Variants in PUS10 observed in about 807,000 individuals in gnomAD.
PUS10 encodes the protein tRNA pseudouridine synthase Pus10.
Under a neutral mutation model 75.0 loss-of-function variants are expected in PUS10, and 59 were observed. That is an observed-to-expected ratio of 0.79 (90% CI 0.64 to 0.98). The LOEUF (loss-of-function observed/expected upper bound fraction) is 0.98, where lower values mean the gene tolerates loss of function less well. Ranked by LOEUF, PUS10 falls within the 50% of genes least tolerant of loss-of-function variation. The pLI is 0.00. For missense variants in PUS10, 650 were observed against 614.4 expected, an observed-to-expected ratio of 1.06 and a Z score of -0.61; for synonymous variants, 219 against 211.6, an observed-to-expected ratio of 1.03 and a Z score of -0.30.
At chr2:60,950,576 CCTGG>C in intron 15 of PUS10, among the ~76,000 whole-genome samples, 3 of 152,220 alleles carry the variant, frequency 2.0e-5, no homozygotes, top group Admixed American at 2.0e-4. Context: ...CGCCACCACA[CCTGG>C]CTAATTTTTT....
chr2:61,003,040 G>A (rs1189374340), intron 4 of PUS10, among the ~76,000 whole-genome samples: 1 of 152,144 alleles, frequency 6.6e-6, no homozygotes, highest in African/African-American at 2.4e-5. Context: ...ACATTTAGGA[G>A]ATATACTCCA....
chr2:60,962,942 A>G, intron 8 of PUS10, 52 bp from the exon 9 acceptor site: 1 of 1,499,472 alleles, frequency 6.7e-7, no homozygotes, highest in African/African-American at 1.5e-5. Flanking sequence ...AGACAAGAAA[A>G]CATCAGACGT....
intron 8 of PUS10, 113 bp from the exon 9 acceptor site, chr2:60,963,003 A>T: frequency 7.1e-7 from 1 of 1,406,592 alleles, no homozygotes; most frequent in Non-Finnish European, 9.2e-7. Context: ...ATATCATTTC[A>T]TATACTTAAC....
At chr2:61,006,416 G>A (rs1351136847) in intron 4 of PUS10, 141 bp downstream of exon 4, 1 of 625,224 alleles carries the variant, frequency 1.6e-6, no homozygotes, top group Non-Finnish European at 2.8e-6. Context: ...TTATTAAGCA[G>A]CTATAAATTG....
intron 11 of PUS10, among the ~76,000 whole-genome samples, chr2:60,960,191 A>C (rs539769289): frequency 6.7e-6 from 1 of 150,272 alleles, no homozygotes; most frequent in African/African-American, 2.4e-5. Context: ...TAAAATATGA[A>C]GATTAGGTCA....
intron 4 of PUS10, among the ~76,000 whole-genome samples, chr2:60,976,335 T>G (rs1677030802): frequency 6.6e-6 from 1 of 152,228 alleles, no homozygotes; most frequent in Non-Finnish European, 1.5e-5. Flanking sequence ...TATAGCTAGT[T>G]CTGAAACCTC....
In PUS10 at chr2:60,962,821, C is replaced by A; in HGVS notation, c.788+5G>T. 6.3e-7 allele frequency: 1 copy of A among 1,582,638 alleles called. No homozygotes were observed. Among genetic ancestry groups the A allele is most frequent in the Non-Finnish European group, 8.6e-7 (1 of 1,167,308 alleles). On this transcript the variant is annotated splice_donor_5th_base_variant and intron_variant, in intron 9 of 17. Transcript: ENST00000316752. ...ATGCTTCTTTGTTTCTAAACTTCTACTTACTTAAGGAAATCCTCTTCCTTT... is the reference window on the plus strand; with the variant it reads ...ATGCTTCTTTGTTTCTAAACTTCTAATTACTTAAGGAAATCCTCTTCCTTT...
intron 12 of PUS10, 34 bp downstream of exon 12, chr2:60,954,980 AAGTT>A (rs1375793047): frequency 2.9e-6 from 4 of 1,367,252 alleles, no homozygotes; most frequent in Admixed American, 3.9e-5. Context: ...GATAATCAGA[AAGTT>A]AGTTCTAATC....
At chr2:61,016,122 G>A (rs1679960256) in intron 1 of PUS10, among the ~76,000 whole-genome samples, 1 of 152,114 alleles carries the variant, frequency 6.6e-6, no homozygotes, top group Non-Finnish European at 1.5e-5. Context: ...AAGTTCACAA[G>A]AACAAAGGTA....
intron 4 of PUS10, among the ~76,000 whole-genome samples, chr2:60,975,269 C>A (rs1247735777): frequency 6.6e-6 from 1 of 152,090 alleles, no homozygotes; most frequent in Non-Finnish European, 1.5e-5. Context: ...GCCTCTGCCT[C>A]CCGAGTAGCT....
At chr2:60,987,315 C>G (rs1677782550) in intron 4 of PUS10, among the ~76,000 whole-genome samples, 1 of 152,090 alleles carries the variant, frequency 6.6e-6, no homozygotes, top group Non-Finnish European at 1.5e-5. Context: ...GTCCCTGGAC[C>G]TTAATTCCTG....
chr2:60,951,719 T>A (rs982476893), intron 15 of PUS10, among the ~76,000 whole-genome samples: 3 of 152,198 alleles, frequency 2.0e-5, no homozygotes, highest in Non-Finnish European at 4.4e-5. Context: ...TGTGGCTAGA[T>A]TCCTAACAGG....
chr2:60,989,867 C>T (rs1558954196), intron 4 of PUS10, among the ~76,000 whole-genome samples: 1 of 152,084 alleles, frequency 6.6e-6, no homozygotes, highest in South Asian at 2.1e-4. Flanking sequence ...TAAAGTGATC[C>T]ATCCGCCTCG....
chr2:60,988,600 T>C (rs963491391), intron 4 of PUS10, among the ~76,000 whole-genome samples: 2 of 152,064 alleles, frequency 1.3e-5, no homozygotes, highest in Non-Finnish European at 2.9e-5. Context: ...CTGGCCTTCT[T>C]GGTAAAAAGG....
At position 61,017,797 on chromosome 2, in the gene PUS10, A is replaced by G. The variant is rs1445680431; in HGVS notation, c.-16+211T>C. 7 of 1,550,370 alleles carry G rather than the reference A, an allele frequency of 4.5e-6. No individual in the cohort carries two copies. In the African/African-American group the frequency reaches 5.5e-5, roughly 12 times the overall value. On this transcript the variant is annotated intron_variant, in intron 1 of 17. Coordinates refer to ENST00000316752, the MANE Select transcript of PUS10 (RefSeq NM_144709.4). ...CCGCCACCTCCCCCCAAACCCTGGG[A>G]GACCCGCCGAATTCCGGGAGCCGGA... is the stretch of plus-strand genomic sequence containing the variant.
chr2:60,974,941 C>A (rs2104446111), intron 4 of PUS10, among the ~76,000 whole-genome samples: 1 of 152,312 alleles, frequency 6.6e-6, no homozygotes, highest in African/African-American at 2.4e-5. Context: ...CGCCACTGTC[C>A]ACAGAGGTTT....
intron 4 of PUS10, among the ~76,000 whole-genome samples, chr2:60,982,506 A>G (rs780073388): frequency 6.6e-6 from 1 of 151,992 alleles, no homozygotes; most frequent in African/African-American, 2.4e-5. Context: ...CAAATGATCC[A>G]TCTGCCTCAG....
At chr2:60,965,568 C>A in intron 6 of PUS10, 84 bp from the exon 7 acceptor site, 2 of 986,708 alleles carry the variant, frequency 2.0e-6, no homozygotes, top group Non-Finnish European at 1.5e-6. Context: ...AATTAATTCT[C>A]AAAGATTGGC....
At position 60,954,162 on chromosome 2, in the gene PUS10, G is replaced by GC. The variant is rs1195028714; in HGVS notation, c.1058-5dup. 6.2e-7 allele frequency: 1 copy of GC among 1,613,812 alleles called. No homozygotes were observed. The highest frequency in any genetic ancestry group is 8.5e-7 in the Non-Finnish European group (1 of 1,179,834). On this transcript the variant is annotated splice_polypyrimidine_tract_variant and splice_region_variant and intron_variant, in intron 12 of 17. Transcript: ENST00000316752. The stretch of plus-strand genomic sequence containing the variant: ...AGCTCAATTGCAAAGGGCCTTCCTG[G>GC]CAGCACACACCCCGTCATGAAACAG...
Sources: allele counts gnomAD v4.1 joint callset (sites outside exome capture counted in the v4.1 genomes callset), GRCh38; gene constraint gnomAD v4.1.1; transcripts MANE v1.5; gene names NCBI Gene and HGNC (gene_info 2026-07-23, HGNC 2026-07-21).